The following DDX5 variants were observed in gnomAD, a reference collection of about 807,000 sequenced individuals.
DDX5 encodes the protein probable ATP-dependent RNA helicase DDX5.
A neutral mutation model predicts 68.6 loss-of-function variants in DDX5; 6 were observed. The observed-to-expected ratio is 0.09, with a 90% CI of 0.05 to 0.17. DDX5 has a LOEUF of 0.17. Among genes scored for constraint, DDX5 ranks in the 10% least tolerant of loss-of-function variants. The probability of loss-of-function intolerance (pLI) is 1.00; values close to 1 mark genes in which losing one functional copy is unlikely to be tolerated. For missense variants in DDX5, 499 were observed against 756.1 expected (o/e 0.66, Z 3.99); for synonymous variants, 350 against 247.0 (o/e 1.42, Z -3.91).
In DDX5 at chr17:64,505,867, C is replaced by A. The variant is rs1294983991; in HGVS notation, c.44+209G>T. The A allele has an allele frequency of 3.3e-6, 5 of 1,535,876 alleles. No individual in the cohort carries two copies. In the African/African-American group the frequency reaches 6.8e-5, roughly 21 times the overall value. On this transcript the variant is annotated intron_variant, in intron 1 of 12. Coordinates refer to ENST00000225792, the MANE Select transcript of DDX5 (RefSeq NM_004396.5). ...CCCCGACAGCTCCCCAATCCCCACA[C>A]AAAAAGCAAGCTTGAAGACACTACA...
chr17:64,498,255 G>A lies in DDX5; in HGVS notation c.*1668C>T, dbSNP rs1398949458. ...ACGCAAATAAATAAAAAGAGAGAATGGGGAGAAAAATCACATTTATTAGTT... is the reference window on the plus strand; with the variant it reads ...ACGCAAATAAATAAAAAGAGAGAATAGGGAGAAAAATCACATTTATTAGTT... On this transcript the variant is annotated 3_prime_UTR_variant, in exon 13 of 13. Transcript: ENST00000225792. Among the ~76,000 whole-genome samples the A allele has an allele frequency of 1.3e-5, 2 of 152,148 alleles. No homozygotes were observed. Among genetic ancestry groups the A allele is most frequent in the Non-Finnish European group, 2.9e-5 (2 of 68,026 alleles).
Position 64,501,998 on chromosome 17 carries a change from G to C in DDX5, c.1216+12C>G. ...CTGGGAAACCAAGCCATGAATGCGA[G>C]TTTGTACTAACCTAGCCCTCTGGAG... On this transcript the variant is annotated intron_variant, in intron 11 of 12. Transcript: ENST00000225792. 1 of 1,613,580 alleles carries C rather than the reference G, an allele frequency of 6.2e-7. No individual in the cohort carries two copies. The highest frequency in any genetic ancestry group is 8.5e-7 in the Non-Finnish European group (1 of 1,179,704).
chr17:64,500,472 C>A, intron 12 of DDX5, 77 bp downstream of exon 12: 3 of 1,535,966 alleles, frequency 2.0e-6, no homozygotes, highest in Non-Finnish European at 1.8e-6. Flanking sequence ...TTTACTCACC[C>A]TCCAATACCA....
chr17:64,503,283 G>C lies in DDX5; in HGVS notation c.715C>G (p.Leu239Val). 6.2e-7 allele frequency: 1 copy of C among 1,614,182 alleles called. No homozygotes were observed. Among genetic ancestry groups the C allele is most frequent in the Non-Finnish European group, 8.5e-7 (1 of 1,180,020 alleles). The change falls in exon 7 of 13, where the codon CTG becomes GTG. Residue 239 changes from leucine (L) to valine (V), a missense_variant. Physicochemically the swap from Leu to Val is conservative, Grantham distance 32 (BLOSUM62 1). Around this residue, in one of 5 missense-constraint regions of DDX5, gnomAD observed 141 missense variants for 279.8 expected, o/e 0.50. Transcript: ENST00000225792. Reference sequence around the variant, plus strand: ...AGGACAAGGTAGGTTGTTCTTCTCAGATTGGTTTTTCCACACTCTAAAAAG... The same window carrying C: ...AGGACAAGGTAGGTTGTTCTTCTCACATTGGTTTTTCCACACTCTAAAAAG... ...IDFLECGKTN[L>V]RRTTYLVLDE...
rs1555671404 is a variant in DDX5 at position 64,503,029 on chromosome 17, G to A, written c.880C>T (p.Leu294=). ...ATGTTTATATGAATATAGTCTTTCA[G>A]GAAATCTTCAGCAAGCTGTCTTACT... ...KEVRQLAEDF[L]KDYIHINIGA... Residue 294 remains leucine (L), a synonymous_variant, in exon 8 of 13, where the codon CTG becomes TTG. Transcript: ENST00000225792. The A allele has an allele frequency of 1.9e-6, 3 of 1,614,080 alleles. No individual in the cohort carries two copies. Among genetic ancestry groups the A allele is most frequent in the East Asian group, 2.2e-5 (1 of 44,868 alleles).
intron 9 of DDX5, 60 bp downstream of exon 9, chr17:64,502,379 A>G: frequency 6.9e-7 from 1 of 1,459,426 alleles, no homozygotes; most frequent in Non-Finnish European, 9.6e-7. Flanking sequence ...TCGTGATCCA[A>G]GTTTGCCCTT....
chr17:64,499,368 T>C lies in DDX5; in HGVS notation c.*555A>G, dbSNP rs1334407210. ...AAATGACTCCCCTGATGCTGGAAGC[T>C]GACAAAGCTTTTATGCAATTTAGCC... On this transcript the variant is annotated 3_prime_UTR_variant, in exon 13 of 13. Transcript: ENST00000225792. 3.9e-5 allele frequency among the ~76,000 whole-genome samples: 6 copies of C among 152,206 alleles called. No individual in the cohort carries two copies. Among genetic ancestry groups the C allele is most frequent in the Non-Finnish European group, 5.9e-5 (4 of 68,036 alleles).
chr17:64,506,019 G>GGGGC, intron 1 of DDX5, 57 bp downstream of exon 1: 10 of 1,360,338 alleles, frequency 7.4e-6, no homozygotes, highest in South Asian at 1.3e-5. Flanking sequence ...CCGCCACCCT[G>GGGGC]ACCCGCCCTC....
In DDX5 at chr17:64,499,706, A is replaced by C. The variant is rs1345131930; in HGVS notation, c.*217T>G. 7 of 453,664 alleles carry C rather than the reference A, an allele frequency of 1.5e-5. No homozygotes were observed. Among genetic ancestry groups the C allele is most frequent in the Admixed American group, 3.8e-5 (1 of 26,320 alleles). 28.1% of individuals were successfully genotyped at this position (453,664 alleles called of 1,614,324 possible). ...ATCACTGTACATTTACTTTTGTGAAAACACTGCCTGCATTTTCTAGTACAA... is the reference window on the plus strand; with the variant it reads ...ATCACTGTACATTTACTTTTGTGAACACACTGCCTGCATTTTCTAGTACAA... On this transcript the variant is annotated 3_prime_UTR_variant, in exon 13 of 13. Coordinates refer to ENST00000225792, the MANE Select transcript of DDX5 (RefSeq NM_004396.5).
At chr17:64,505,674 G>A (rs1345806455) in intron 1 of DDX5, 14 of 1,463,258 alleles carry the variant, frequency 9.6e-6, no homozygotes, top group South Asian at 2.4e-5. Context: ...ACAGCACCAG[G>A]GCTTTGGAAG....
At chr17:64,503,771 C>G (rs781908213) in intron 5 of DDX5, 32 bp downstream of exon 5, 1 of 1,596,574 alleles carries the variant, frequency 6.3e-7, no homozygotes, top group Non-Finnish European at 8.5e-7. Flanking sequence ...ACACATTATG[C>G]TTCTAATAAA....
At chr17:64,505,107 G>A (rs1004732128) in intron 1 of DDX5, 2 of 361,494 alleles carry the variant, frequency 5.5e-6, no homozygotes. Flanking sequence ...TCGGAAACTT[G>A]TCACCCACAT....
At chr17:64,505,944 C>G (rs1275350129) in intron 1 of DDX5, 132 bp downstream of exon 1, 2 of 1,535,810 alleles carry the variant, frequency 1.3e-6, no homozygotes, top group Admixed American at 2.0e-5. Context: ...TGGCGCAAGC[C>G]TTCGGGAAAG....
At chr17:64,501,040 T>G (rs782230172) in intron 11 of DDX5, 3 of 508,858 alleles carry the variant, frequency 5.9e-6, no homozygotes, top group Non-Finnish European at 1.1e-5. Context: ...CATTCCCAAA[T>G]CAGCAAGTTC....
upstream of DDX5, chr17:64,506,491 A>C: frequency 1.1e-5 from 10 of 940,402 alleles, no homozygotes; most frequent in East Asian, 3.5e-5. Flanking sequence ...GGAATGCCTC[A>C]TTCTGCACTC....
rs530388540 is a variant in DDX5, at chr17:64,505,845, C to T, written c.44+231G>A. 1.0e-5 allele frequency: 16 copies of T among 1,536,084 alleles called. No homozygotes were observed. The East Asian group carries it at 2.9e-4, about 28-fold the overall frequency. ...AACAGCTACCAAATGGCAGCCGCCC[C>T]GACAGCTCCCCAATCCCCACACAAA... On this transcript the variant is annotated intron_variant, in intron 1 of 12. Transcript: ENST00000225792.
chr17:64,501,713 T>C (rs2038301251), intron 11 of DDX5: 5 of 438,540 alleles, frequency 1.1e-5, no homozygotes, highest in South Asian at 1.0e-4. Flanking sequence ...TTCCATTTTT[T>C]CCCTCGGAGA....
In DDX5 at chr17:64,499,310, T is replaced by G. The variant is rs1172513772; in HGVS notation, c.*613A>C. Among the ~76,000 whole-genome samples the G allele has an allele frequency of 6.6e-6, 1 of 152,196 alleles. No individual in the cohort carries two copies. Among genetic ancestry groups the G allele is most frequent in the African/African-American group, 2.4e-5 (1 of 41,448 alleles). On this transcript the variant is annotated 3_prime_UTR_variant, in exon 13 of 13. Coordinates refer to ENST00000225792, the MANE Select transcript of DDX5 (RefSeq NM_004396.5). The stretch of plus-strand genomic sequence containing the variant: ...GTATCTATTTTACTATTTTCTCATT[T>G]AACCATACTAGCAAATAAGGAAAAA...
chr17:64,506,701 C>T, upstream of DDX5: 1 of 403,936 alleles, frequency 2.5e-6, no homozygotes, highest in Non-Finnish European at 4.6e-6. Context: ...AGAGAGCGGT[C>T]CGCACTACTT....
Sources: gnomAD v4.1 joint callset for allele counts (sites outside exome capture counted in the v4.1 genomes callset) on GRCh38, gnomAD v4.1.1 for gene constraint, gnomAD v4.1.1 regional missense constraint, MANE v1.5 for transcripts, NCBI Gene and HGNC (gene_info 2026-07-23, HGNC 2026-07-21) for gene names.